CSNK2A2IP: variants seen among roughly 807,000 people sequenced by gnomAD.
CSNK2A2IP encodes the protein casein kinase II subunit alpha'-interacting protein.
the CSNK2A2IP span, among the ~76,000 whole-genome samples, chr3:88,374,049 A>G: frequency 6.6e-6 from 1 of 151,720 alleles, no homozygotes; most frequent in African/African-American, 2.4e-5. Context: ...TAAGGAATAA[A>G]CAATACCAAT....
chr3:88,345,722 G>A, the CSNK2A2IP span, among the ~76,000 whole-genome samples: 10 of 151,718 alleles, frequency 6.6e-5, no homozygotes, highest in South Asian at 6.2e-4. Context: ...ACATTCCCCC[G>A]TCTCTCTTTC....
At chr3:88,467,218 TCCA>T in the CSNK2A2IP span, 31 of 400,644 alleles carry the variant, frequency 7.7e-5, no homozygotes, top group East Asian at 4.3e-4. Flanking sequence ...TTCCTCCTCC[TCCA>T]CCACCTCCTC....
chr3:88,457,354 A>T, the CSNK2A2IP span, among the ~76,000 whole-genome samples: 3 of 151,606 alleles, frequency 2.0e-5, no homozygotes, highest in African/African-American at 7.3e-5. Context: ...AATTTGGCTT[A>T]CCTTTTTTTT....
the CSNK2A2IP span, among the ~76,000 whole-genome samples, chr3:88,405,805 C>T: frequency 6.6e-6 from 1 of 152,252 alleles, no homozygotes; most frequent in Non-Finnish European, 1.5e-5. Context: ...CCCCACTTGC[C>T]TATTACGTGA....
the CSNK2A2IP span, among the ~76,000 whole-genome samples, chr3:88,418,718 T>C: frequency 6.6e-6 from 1 of 152,168 alleles, no homozygotes; most frequent in African/African-American, 2.4e-5. Context: ...AAATTGCATG[T>C]TGTGGGTTTT....
chr3:88,466,087 C>T, the CSNK2A2IP span: 1 of 1,231,598 alleles, frequency 8.1e-7, no homozygotes, highest in Non-Finnish European at 1.0e-6. Flanking sequence ...TTTGAGTTCA[C>T]CATCACTCAA....
chr3:88,365,861 T>G, the CSNK2A2IP span, among the ~76,000 whole-genome samples: 2 of 152,164 alleles, frequency 1.3e-5, no homozygotes, highest in East Asian at 3.9e-4. Flanking sequence ...GATAATCTCA[T>G]GGAAGATCAG....
At chr3:88,442,474 G>A in the CSNK2A2IP span, among the ~76,000 whole-genome samples, 1 of 152,164 alleles carries the variant, frequency 6.6e-6, no homozygotes, top group Non-Finnish European at 1.5e-5. Flanking sequence ...AGTTATGAGA[G>A]AGGAATCCAC....
the CSNK2A2IP span, among the ~76,000 whole-genome samples, chr3:88,423,126 C>T: frequency 2.4e-3 from 366 of 152,244 alleles, 14 homozygotes; most frequent in East Asian, 0.063. Flanking sequence ...ATGTTATGTC[C>T]AGATTTCTAT....
At chr3:88,361,570 G>A in the CSNK2A2IP span, among the ~76,000 whole-genome samples, 15 of 152,142 alleles carry the variant, frequency 9.9e-5, no homozygotes, top group Middle Eastern at 3.4e-3. Context: ...CCCTTTAAGA[G>A]TTTGATTATT....
the CSNK2A2IP span, among the ~76,000 whole-genome samples, chr3:88,410,024 T>G: frequency 1.3e-5 from 2 of 152,074 alleles, no homozygotes; most frequent in African/African-American, 4.8e-5. Flanking sequence ...CACCCAACAG[T>G]AGCTGAGAAA....
the CSNK2A2IP span, among the ~76,000 whole-genome samples, chr3:88,397,740 G>T: frequency 2.7e-5 from 4 of 147,308 alleles, no homozygotes; most frequent in Non-Finnish European, 6.0e-5. Flanking sequence ...ATTATTTATT[G>T]TTATTACTAG....
the CSNK2A2IP span, among the ~76,000 whole-genome samples, chr3:88,444,115 C>A: frequency 6.6e-6 from 1 of 151,844 alleles, no homozygotes; most frequent in Non-Finnish European, 1.5e-5. Context: ...ACAGAAAATA[C>A]TGAATAGGTA....
the CSNK2A2IP span, among the ~76,000 whole-genome samples, chr3:88,420,234 T>C: frequency 6.6e-6 from 1 of 152,208 alleles, no homozygotes; most frequent in Non-Finnish European, 1.5e-5. Flanking sequence ...TAGAGGTATG[T>C]CTCACTGTTT....
At chr3:88,458,793 A>C in the CSNK2A2IP span, among the ~76,000 whole-genome samples, 438 of 152,298 alleles carry the variant, frequency 2.9e-3, 2 homozygotes, top group African/African-American at 9.8e-3. Flanking sequence ...AAATATGAAA[A>C]GTATTCACAG....
chr3:88,432,759 A>T, the CSNK2A2IP span, among the ~76,000 whole-genome samples: 1 of 150,446 alleles, frequency 6.6e-6, no homozygotes, highest in South Asian at 2.1e-4. Context: ...ATATTATATT[A>T]TTATATGGTA....
chr3:88,426,673 C>T, the CSNK2A2IP span, among the ~76,000 whole-genome samples: 1 of 151,988 alleles, frequency 6.6e-6, no homozygotes, highest in Admixed American at 6.6e-5. Flanking sequence ...AAGGGACTTT[C>T]CCCCCTTTTG....
the CSNK2A2IP span, among the ~76,000 whole-genome samples, chr3:88,390,173 G>A: frequency 7.2e-5 from 11 of 152,056 alleles, no homozygotes; most frequent in African/African-American, 2.7e-4. Context: ...ATTTGGATAA[G>A]GATAAGCTCA....
chr3:88,429,216 AT>A, the CSNK2A2IP span, among the ~76,000 whole-genome samples: 1 of 151,966 alleles, frequency 6.6e-6, no homozygotes, highest in African/African-American at 2.4e-5. Context: ...CACTTTGGTC[AT>A]TGCATTTCCC....
Sources: allele counts gnomAD v4.1 joint callset (sites outside exome capture counted in the v4.1 genomes callset), GRCh38; gene constraint gnomAD v4.1.1; transcripts MANE v1.5; gene names NCBI Gene and HGNC (gene_info 2026-07-23, HGNC 2026-07-21).